Variants in OSTN observed in about 807,000 individuals in gnomAD.
The protein encoded by OSTN is osteocrin.
OSTN carries 9 observed loss-of-function variants against 12.0 expected under a neutral mutation model. That is an observed-to-expected ratio of 0.75 (90% CI 0.45 to 1.30). OSTN has a LOEUF of 1.30. Among genes scored for constraint, OSTN ranks in the 50% most tolerant of loss-of-function variants. The pLI is 0.00. For synonymous variants in OSTN, 59 were observed against 56.9 expected, an observed-to-expected ratio of 1.04 and a Z score of -0.16; for missense variants, 148 against 152.3, an observed-to-expected ratio of 0.97 and a Z score of 0.15.
chr3:191,238,084 A>C (rs1715237122), intron 3 of OSTN, among the ~76,000 whole-genome samples: 1 of 152,210 alleles, frequency 6.6e-6, no homozygotes, highest in Non-Finnish European at 1.5e-5. Context: ...CTCAAGGTTT[A>C]TGCTTTTCTT....
At chr3:191,234,949 G>C (rs1039404884) in intron 3 of OSTN, among the ~76,000 whole-genome samples, 20 of 152,096 alleles carry the variant, frequency 1.3e-4, no homozygotes, top group Non-Finnish European at 2.2e-4. Flanking sequence ...GGTGAGAAAA[G>C]GCAGCATACA....
rs1458408346 is a variant in OSTN, at chr3:191,264,208, A to G, written c.*1355A>G. On this transcript the variant is annotated 3_prime_UTR_variant, in exon 5 of 5. Coordinates refer to ENST00000682035, the MANE Select transcript of OSTN (RefSeq NM_198184.2). ...CTTAACTAAAAATTAATGGACTTGT[A>G]TGATCCAAAGAATAAAATAAACTCA... 6.6e-6 allele frequency: 1 copy of G among 152,140 alleles called. No individual in the cohort carries two copies. Among genetic ancestry groups the G allele is most frequent in the Non-Finnish European group, 1.5e-5 (1 of 67,970 alleles). The allele number at this position is 152,140 out of a possible 1,614,324, so 9.4% of individuals were successfully genotyped here.
intron 4 of OSTN, among the ~76,000 whole-genome samples, chr3:191,253,174 C>T (rs1377560941): frequency 6.6e-6 from 1 of 152,194 alleles, no homozygotes; most frequent in African/African-American, 2.4e-5. Flanking sequence ...GTATCTCGCA[C>T]TTTACAAAAA....
intron 3 of OSTN, among the ~76,000 whole-genome samples, chr3:191,237,906 A>G (rs1448892402): frequency 6.6e-6 from 1 of 152,166 alleles, no homozygotes; most frequent in East Asian, 1.9e-4. Flanking sequence ...TATGCACTGT[A>G]ACAACAGGTT....
At chr3:191,246,067 C>CAAAAAAA (rs149962240) in intron 3 of OSTN, among the ~76,000 whole-genome samples, 3 of 60,322 alleles carry the variant, frequency 5.0e-5, no homozygotes, top group Non-Finnish European at 6.0e-5. Flanking sequence ...AACTCTGTCT[C>CAAAAAAA]AAAAAAAAAA....
chr3:191,205,104 TTAAATA>T (rs1284374113), intron 1 of OSTN, among the ~76,000 whole-genome samples: 1 of 152,174 alleles, frequency 6.6e-6, no homozygotes, highest in Admixed American at 6.5e-5. Flanking sequence ...GGAAACAATA[TTAAATA>T]TAAACTTAAA....
intron 3 of OSTN, among the ~76,000 whole-genome samples, chr3:191,246,026 C>T (rs1182687765): frequency 2.2e-5 from 3 of 134,102 alleles, no homozygotes; most frequent in Non-Finnish European, 4.6e-5. Context: ...GAGATTGTGC[C>T]ATTGCACTCC....
intron 4 of OSTN, among the ~76,000 whole-genome samples, chr3:191,257,106 A>T (rs538043835): frequency 4.1e-5 from 6 of 145,160 alleles, no homozygotes; most frequent in Admixed American, 1.5e-4. Flanking sequence ...GGATCACTTG[A>T]TCCTGAGAGG....
intron 3 of OSTN, chr3:191,229,910 C>CA (rs1206883241): frequency 6.6e-6 from 1 of 151,574 alleles, no homozygotes; most frequent in Admixed American, 6.6e-5. Flanking sequence ...ACAAAAAATA[C>CA]AAAAAATTAG....
chr3:191,208,694 C>G (rs1314520639), intron 1 of OSTN, among the ~76,000 whole-genome samples: 1 of 151,936 alleles, frequency 6.6e-6, no homozygotes, highest in East Asian at 1.9e-4. Context: ...AGAGGAGAAA[C>G]CTGGTTAGTG....
At chr3:191,225,158 G>A (rs1714877121) in intron 3 of OSTN, among the ~76,000 whole-genome samples, 1 of 151,850 alleles carries the variant, frequency 6.6e-6, no homozygotes. Context: ...TACAAAAGAA[G>A]AACTTGAAAA....
At chr3:191,207,341 A>G (rs1714300173) in intron 1 of OSTN, among the ~76,000 whole-genome samples, 1 of 152,000 alleles carries the variant, frequency 6.6e-6, no homozygotes, top group African/African-American at 2.4e-5. Context: ...TCAGATGTTA[A>G]TCATAAATTT....
rs111630170 is a variant in OSTN at position 191,238,710 on chromosome 3, G to A, written c.318-11327G>A. Among the ~76,000 whole-genome samples, 94 of 152,198 alleles carry A rather than the reference G, an allele frequency of 6.2e-4. 2 individuals are homozygous for A. The highest frequency in any genetic ancestry group is 2.1e-3 in the African/African-American group (89 of 41,520). On this transcript the variant is annotated intron_variant, in intron 3 of 4. Transcript: ENST00000682035. ...TTTAAATGCTGCCTTCTTACACAGT[G>A]GGAAATGCCTTTGAGCATAATGATC... is the stretch of plus-strand genomic sequence containing the variant.
intron 1 of OSTN, among the ~76,000 whole-genome samples, chr3:191,202,424 T>C (rs1714171012): frequency 6.6e-6 from 1 of 152,194 alleles, no homozygotes; most frequent in South Asian, 2.1e-4. Context: ...GAAAGTATCT[T>C]CTTTACTTTT....
At chr3:191,225,527 C>A (rs143920063) in intron 3 of OSTN, among the ~76,000 whole-genome samples, 1 of 152,060 alleles carries the variant, frequency 6.6e-6, no homozygotes, top group Non-Finnish European at 1.5e-5. Flanking sequence ...ACAAGGAAAT[C>A]ATGTTTATTG....
At chr3:191,201,904 T>G (rs1714159981) in intron 1 of OSTN, among the ~76,000 whole-genome samples, 1 of 152,232 alleles carries the variant, frequency 6.6e-6, no homozygotes, top group African/African-American at 2.4e-5. Context: ...AACTAATTTA[T>G]GCCTGCTGAT....
chr3:191,256,818 A>G (rs13323649), intron 4 of OSTN, among the ~76,000 whole-genome samples: 70,058 of 151,904 alleles, frequency 0.46, 18,144 homozygotes, highest in African/African-American at 0.7. Context: ...AACCTCTTAC[A>G]ATTTTTAAAA....
intron 3 of OSTN, among the ~76,000 whole-genome samples, chr3:191,246,222 T>C (rs912237557): frequency 6.6e-6 from 1 of 152,112 alleles, no homozygotes; most frequent in Non-Finnish European, 1.5e-5. Flanking sequence ...TTCAAACATC[T>C]GAGAGGGTTG....
chr3:191,247,777 A>AT (rs1715466268), intron 3 of OSTN, among the ~76,000 whole-genome samples: 1 of 152,150 alleles, frequency 6.6e-6, no homozygotes, highest in Admixed American at 6.5e-5. Context: ...ATGTTTATAG[A>AT]TTTTTTCAAT....
Sources: allele counts gnomAD v4.1 joint callset (sites outside exome capture counted in the v4.1 genomes callset), GRCh38; gene constraint gnomAD v4.1.1; transcripts MANE v1.5; gene names NCBI Gene and HGNC (gene_info 2026-07-23, HGNC 2026-07-21).